Variants in PIEZO2 observed in about 807,000 individuals in gnomAD.
PIEZO2 encodes the protein piezo type mechanosensitive ion channel component 2, also known as piezo-type mechanosensitive ion channel component 2.
Under a neutral mutation model 337.3 loss-of-function variants are expected in PIEZO2, and 172 were observed. The ratio of observed to expected loss-of-function variants is 0.51; its 90% CI spans 0.45 to 0.58. PIEZO2 has a LOEUF of 0.58. Ranked by LOEUF, PIEZO2 falls within the 20% of genes least tolerant of loss-of-function variation. The pLI is 0.00. For synonymous variants in PIEZO2, 1,251 were observed against 1,228.5 expected, an observed-to-expected ratio of 1.02 and a Z score of -0.38; for missense variants, 3,028 against 3,391.3, an observed-to-expected ratio of 0.89 and a Z score of 2.66.
intron 4 of PIEZO2, among the ~76,000 whole-genome samples, chr18:10,880,813 C>A (rs1339940133): frequency 7.9e-6 from 1 of 126,470 alleles, no homozygotes. Context: ...ATGGTAAGAC[C>A]CCTGATTTCC....
chr18:11,068,772 C>T (rs1057252674), intron 1 of PIEZO2, among the ~76,000 whole-genome samples: 63 of 151,934 alleles, frequency 4.1e-4, no homozygotes, highest in African/African-American at 1.5e-3. Context: ...AAATAGAATC[C>T]ACAAACCTCA....
chr18:10,813,210 A>G lies in PIEZO2; in HGVS notation c.918-5936T>C, dbSNP rs575153398. The stretch of plus-strand genomic sequence containing the variant: ...TGGCCAGGCTGGTCTCCAACTCCTG[A>G]CCTCGTGATTTGCCCGCCTGGGCCT... On this transcript the variant is annotated intron_variant, in intron 7 of 55. Transcript: ENST00000674853. The surrounding 1 kb of genome is among the most constrained non-coding windows in gnomAD (Gnocchi z 4.2). Among the ~76,000 whole-genome samples, 2 of 152,126 alleles carry G rather than the reference A, an allele frequency of 1.3e-5. No individual in the cohort carries two copies. Among genetic ancestry groups the G allele is most frequent in the Admixed American group, 6.5e-5 (1 of 15,284 alleles).
rs1358032475 is a variant in PIEZO2, at chr18:10,766,839, C to T, written c.2946+3309G>A. 6.6e-6 allele frequency among the ~76,000 whole-genome samples: 1 copy of T among 152,236 alleles called. No individual in the cohort carries two copies. Among genetic ancestry groups the T allele is most frequent in the Non-Finnish European group, 1.5e-5 (1 of 68,052 alleles). On this transcript the variant is annotated intron_variant, in intron 21 of 55. Coordinates refer to ENST00000674853, the MANE Select transcript of PIEZO2 (RefSeq NM_001378183.1). The surrounding 1 kb of genome is among the most constrained non-coding windows in gnomAD (Gnocchi z 6.1). ...AAGCTACTACACTAGCACCTAGCAC[C>T]ATGTACGCATTCACTTTATTGTGAG...
intron 2 of PIEZO2, among the ~76,000 whole-genome samples, chr18:11,045,269 C>G (rs1404499419): frequency 1.6e-5 from 2 of 123,418 alleles, no homozygotes; most frequent in Non-Finnish European, 3.1e-5. Context: ...GCACTCCAGC[C>G]TGGGCGACAG....
intron 8 of PIEZO2, 67 bp from the exon 9 acceptor site, chr18:10,804,061 G>T: frequency 6.7e-7 from 1 of 1,495,234 alleles, no homozygotes; most frequent in South Asian, 1.3e-5. Flanking sequence ...GGGTGGCCAA[G>T]ACAGAGCTTT....
chr18:10,691,198 T>A (rs1007789514), intron 48 of PIEZO2, 27 bp downstream of exon 48: 1 of 1,604,936 alleles, frequency 6.2e-7, no homozygotes, highest in Admixed American at 1.7e-5. Flanking sequence ...CCCCCATAAG[T>A]GACTGTGACG....
intron 2 of PIEZO2, among the ~76,000 whole-genome samples, chr18:11,055,323 G>A (rs2037690174): frequency 6.6e-6 from 1 of 152,160 alleles, no homozygotes; most frequent in Non-Finnish European, 1.5e-5. Context: ...GAGTGGCAGG[G>A]TGTGCAACTC....
At chr18:10,820,676 A>C (rs79548193) in intron 7 of PIEZO2, among the ~76,000 whole-genome samples, 3,248 of 152,248 alleles carry the variant, frequency 0.021, 105 homozygotes, top group African/African-American at 0.074. Flanking sequence ...CATGTCTAAA[A>C]ATTTTCATCC....
intron 31 of PIEZO2, 86 bp from the exon 32 acceptor site, chr18:10,742,701 T>C (rs989722069): frequency 2.1e-5 from 30 of 1,400,504 alleles, no homozygotes; most frequent in Non-Finnish European, 2.9e-5. Context: ...CTGTTACGTA[T>C]ATAGCTAAAT....
chr18:11,088,251 G>A (rs1301957493), intron 1 of PIEZO2, among the ~76,000 whole-genome samples: 1 of 152,180 alleles, frequency 6.6e-6, no homozygotes, highest in Non-Finnish European at 1.5e-5. Context: ...GGGTTACCAA[G>A]TCTCAGTAAG....
rs1043083411 is a variant in PIEZO2 at position 11,128,597 on chromosome 18, T to C, written c.64+19928A>G. The stretch of plus-strand genomic sequence containing the variant: ...CCACGCTGCCATCAGCCTTTCCACC[T>C]TTGTCTGAGGACATAAACCCTGCGC... On this transcript the variant is annotated intron_variant, in intron 1 of 55. Transcript: ENST00000674853. The surrounding 1 kb of genome is among the most constrained non-coding windows in gnomAD (Gnocchi z 4.1). 7.2e-5 allele frequency among the ~76,000 whole-genome samples: 11 copies of C among 152,126 alleles called. No individual in the cohort carries two copies. Among genetic ancestry groups the C allele is most frequent in the African/African-American group, 2.7e-4 (11 of 41,416 alleles).
chr18:11,006,716 G>A (rs2035738197), intron 2 of PIEZO2, among the ~76,000 whole-genome samples: 2 of 151,776 alleles, frequency 1.3e-5, no homozygotes, highest in Admixed American at 1.3e-4. Context: ...CCTCCCTCAT[G>A]CTCTTCCTCT....
intron 2 of PIEZO2, among the ~76,000 whole-genome samples, chr18:10,991,219 C>G (rs954503530): frequency 1.3e-5 from 2 of 150,456 alleles, no homozygotes; most frequent in Non-Finnish European, 3.0e-5. Context: ...TATATATACA[C>G]ACACACACAC....
intron 2 of PIEZO2, among the ~76,000 whole-genome samples, chr18:11,013,861 C>A (rs1299646149): frequency 6.6e-6 from 1 of 152,168 alleles, no homozygotes. Flanking sequence ...TTGTGCTGTT[C>A]TAATTCTTAA....
At chr18:10,754,221 G>A (rs1400509216) in intron 27 of PIEZO2, among the ~76,000 whole-genome samples, 6 of 152,346 alleles carry the variant, frequency 3.9e-5, no homozygotes, top group Admixed American at 2.0e-4. Flanking sequence ...GCTTCAAAGC[G>A]GAGCCTTAAG....
chr18:10,684,332 A>AT (rs61237263), intron 49 of PIEZO2, among the ~76,000 whole-genome samples: 109,956 of 147,978 alleles, frequency 0.74, 42,823 homozygotes, highest in South Asian at 0.88. Context: ...TGCCTGGCTA[A>AT]TTTTTTGTAT....
At chr18:11,023,754 C>T (rs1015387273) in intron 2 of PIEZO2, among the ~76,000 whole-genome samples, 2 of 152,224 alleles carry the variant, frequency 1.3e-5, no homozygotes, top group Non-Finnish European at 2.9e-5. Flanking sequence ...TTGGGGGAGG[C>T]TCAGGCATGG....
At chr18:11,004,700 A>G (rs1408736217) in intron 2 of PIEZO2, among the ~76,000 whole-genome samples, 2 of 152,240 alleles carry the variant, frequency 1.3e-5, no homozygotes, top group Non-Finnish European at 2.9e-5. Flanking sequence ...CCTTGCTGAG[A>G]ACTTCAGTGC....
At chr18:11,113,843 G>C (rs1196803476) in intron 1 of PIEZO2, among the ~76,000 whole-genome samples, 1 of 152,198 alleles carries the variant, frequency 6.6e-6, no homozygotes, top group Non-Finnish European at 1.5e-5. Context: ...GTCCACCTTC[G>C]TGTCCTTTCT....
Sources: gnomAD v4.1 joint callset for allele counts (sites outside exome capture counted in the v4.1 genomes callset) on GRCh38, gnomAD v4.1.1 for gene constraint, Gnocchi (gnomAD v3.1) non-coding constraint, MANE v1.5 for transcripts, NCBI Gene and HGNC (gene_info 2026-07-23, HGNC 2026-07-21) for gene names.